CPQ: variants seen among roughly 807,000 people sequenced by gnomAD.
CPQ encodes the protein Ser-Met dipeptidase.
A neutral mutation model predicts 45.7 loss-of-function variants in CPQ; 37 were observed. The ratio of observed to expected loss-of-function variants is 0.81; its 90% CI spans 0.62 to 1.07. CPQ has a LOEUF of 1.07. CPQ is among the 50% of genes least tolerant of loss of function. The pLI is 0.00. For synonymous variants in CPQ, 186 were observed against 205.8 expected (o/e 0.90, Z 0.82); for missense variants, 537 against 572.9 (o/e 0.94, Z 0.64).
intron 3 of CPQ, among the ~76,000 whole-genome samples, chr8:96,858,058 G>A (rs1370807631): frequency 6.6e-6 from 1 of 152,130 alleles, no homozygotes; most frequent in Non-Finnish European, 1.5e-5. Flanking sequence ...GAGTGAGGTA[G>A]GATATTGAGG....
intron 5 of CPQ, among the ~76,000 whole-genome samples, chr8:97,003,771 GA>G (rs1408998081): frequency 6.6e-6 from 1 of 152,134 alleles, no homozygotes; most frequent in Non-Finnish European, 1.5e-5. Context: ...AGGAAGGGGG[GA>G]TAATTATCAT....
intron 1 of CPQ, among the ~76,000 whole-genome samples, chr8:96,763,582 C>G (rs1217577667): frequency 2.0e-5 from 3 of 151,886 alleles, no homozygotes; most frequent in Admixed American, 6.6e-5. Context: ...AATGAAAGGA[C>G]AAGTCACAGA....
intron 4 of CPQ, among the ~76,000 whole-genome samples, chr8:96,893,310 T>C (rs1812401254): frequency 6.6e-6 from 1 of 152,218 alleles, no homozygotes; most frequent in African/African-American, 2.4e-5. Flanking sequence ...CTAATGCTTG[T>C]TGAACAACTA....
rs149476038 is a variant in CPQ, at chr8:96,908,747, G to GCGCGCGCACACACACACACACA, written c.849+28743_849+28744insGCGCGCACACACACACACACAC. 1.6e-3 allele frequency among the ~76,000 whole-genome samples: 225 copies of GCGCGCGCACACACACACACACA among 141,006 alleles called. 3 individuals carry two copies. The highest frequency in any genetic ancestry group is 5.4e-3 in the African/African-American group (208 of 38,702). 92.5% of individuals were successfully genotyped at this position (141,006 alleles called of 152,430 possible). On this transcript the variant is annotated intron_variant, in intron 4 of 7. Transcript: ENST00000220763. Reference sequence around the variant, plus strand: ...TCTCTTTTCAGTTTTATACACATGCGCACACACACACACACACACACACAC... The same window carrying GCGCGCGCACACACACACACACA: ...TCTCTTTTCAGTTTTATACACATGCGCGCGCGCACACACACACACACACACACACACACACACACACACACAC...
intron 2 of CPQ, among the ~76,000 whole-genome samples, chr8:96,827,911 G>T (rs1811399902): frequency 6.6e-6 from 1 of 152,070 alleles, no homozygotes; most frequent in African/African-American, 2.4e-5. Context: ...AAAAGTTACA[G>T]AGTAAGATGT....
At chr8:97,041,611 G>C (rs1383969829) in intron 6 of CPQ, among the ~76,000 whole-genome samples, 1 of 152,154 alleles carries the variant, frequency 6.6e-6, no homozygotes, top group Non-Finnish European at 1.5e-5. Context: ...GTATGATATT[G>C]GCTGTGGGTT....
chr8:97,013,086 C>A (rs1028723087), intron 5 of CPQ, among the ~76,000 whole-genome samples: 1 of 152,076 alleles, frequency 6.6e-6, no homozygotes, highest in African/African-American at 2.4e-5. Flanking sequence ...TTTCCACCTA[C>A]CCCACCTGCC....
intron 4 of CPQ, among the ~76,000 whole-genome samples, chr8:96,880,293 C>T (rs1812203622): frequency 6.6e-6 from 1 of 151,836 alleles, no homozygotes; most frequent in Non-Finnish European, 1.5e-5. Flanking sequence ...ATTACTTCAA[C>T]CCCTGTGAAA....
In CPQ at chr8:96,834,872, G is replaced by A. The variant is rs143195735; in HGVS notation, c.434-101G>A. 4.5e-5 allele frequency: 44 copies of A among 981,870 alleles called. No individual in the cohort carries two copies. The African/African-American group carries it at 6.4e-4, about 14-fold the overall frequency. 60.8% of individuals were successfully genotyped at this position (981,870 alleles called of 1,614,324 possible). On this transcript the variant is annotated intron_variant, in intron 2 of 7. Transcript: ENST00000220763. ...AACTTTGATCTTCTTATACCAGTTT[G>A]CCAGATGTAGCAGAAAGAGCATGTA... is the stretch of plus-strand genomic sequence containing the variant.
rs112576685 is a variant in CPQ at position 96,867,715 on chromosome 8, G to A, written c.642-12083G>A. Among the ~76,000 whole-genome samples the A allele has an allele frequency of 3.1e-3, 470 of 152,040 alleles. 2 individuals are homozygous for A. The highest frequency in any genetic ancestry group is 4.9e-3 in the Non-Finnish European group (330 of 67,970). ...ATACAAAATTGAGGTAACGGTATAT[G>A]CACAATTTTGAAACATGTTTTAATC... is the stretch of plus-strand genomic sequence containing the variant. On this transcript the variant is annotated intron_variant, in intron 3 of 7. Coordinates refer to ENST00000220763, the MANE Select transcript of CPQ (RefSeq NM_016134.4).
At chr8:96,859,893 G>A (rs183124252) in intron 3 of CPQ, among the ~76,000 whole-genome samples, 2 of 152,076 alleles carry the variant, frequency 1.3e-5, no homozygotes, top group Admixed American at 6.5e-5. Context: ...CTTATTTATA[G>A]CAATTACTAA....
intron 4 of CPQ, among the ~76,000 whole-genome samples, chr8:96,952,413 TG>T (rs1813281870): frequency 6.6e-6 from 1 of 152,122 alleles, no homozygotes; most frequent in South Asian, 2.1e-4. Flanking sequence ...CTAGAATCAT[TG>T]TAGGTTTCCT....
chr8:96,731,209 G>C (rs1214816673), intron 1 of CPQ, among the ~76,000 whole-genome samples: 1 of 151,948 alleles, frequency 6.6e-6, no homozygotes, highest in African/African-American at 2.4e-5. Context: ...GTATGACTTT[G>C]GACAACTATA....
At chr8:97,002,170 G>A (rs1332874126) in intron 5 of CPQ, among the ~76,000 whole-genome samples, 1 of 151,864 alleles carries the variant, frequency 6.6e-6, no homozygotes, top group Non-Finnish European at 1.5e-5. Flanking sequence ...TCCTTTGTTA[G>A]TCTAGCTAGC....
At chr8:96,900,708 A>G (rs1812502729) in intron 4 of CPQ, among the ~76,000 whole-genome samples, 1 of 152,190 alleles carries the variant, frequency 6.6e-6, no homozygotes, top group South Asian at 2.1e-4. Context: ...TCTTGGAATC[A>G]TAGAATCTCA....
chr8:96,823,000 A>G (rs533234005), intron 2 of CPQ, among the ~76,000 whole-genome samples: 2 of 152,176 alleles, frequency 1.3e-5, no homozygotes, highest in African/African-American at 4.8e-5. Flanking sequence ...ATAACTATGC[A>G]CCAGAGTGTT....
intron 2 of CPQ, among the ~76,000 whole-genome samples, chr8:96,799,776 G>T (rs1307318379): frequency 1.3e-5 from 2 of 152,300 alleles, no homozygotes; most frequent in East Asian, 3.9e-4. Flanking sequence ...TAAGCTCTGG[G>T]AGGTTCATCA....
At chr8:96,742,233 C>T (rs1204079463) in intron 1 of CPQ, among the ~76,000 whole-genome samples, 1 of 152,122 alleles carries the variant, frequency 6.6e-6, no homozygotes, top group Non-Finnish European at 1.5e-5. Flanking sequence ...TAAGTAATGT[C>T]CTTCTTTGTC....
At chr8:96,750,667 A>G (rs1810246437) in intron 1 of CPQ, among the ~76,000 whole-genome samples, 1 of 144,892 alleles carries the variant, frequency 6.9e-6, no homozygotes, top group Admixed American at 7.1e-5. Flanking sequence ...CTAGTGCAGG[A>G]TGTACAGATT....
Sources: gnomAD v4.1 joint callset for allele counts (sites outside exome capture counted in the v4.1 genomes callset) on GRCh38, gnomAD v4.1.1 for gene constraint, MANE v1.5 for transcripts, NCBI Gene and HGNC (gene_info 2026-07-23, HGNC 2026-07-21) for gene names.